The following PRKCH variants were observed in gnomAD, a reference collection of about 807,000 sequenced individuals.
The protein encoded by PRKCH is protein kinase C eta type.
Under a neutral mutation model 82.5 loss-of-function variants are expected in PRKCH, and 28 were observed. The ratio of observed to expected loss-of-function variants is 0.34; its 90% confidence interval spans 0.25 to 0.47. The LOEUF is 0.47. Ranked by LOEUF, PRKCH falls within the 20% of genes least tolerant of loss-of-function variation. PRKCH has a pLI of 1.00. For missense variants in PRKCH, 705 were observed against 881.8 expected (o/e 0.80, Z 2.54); for synonymous variants, 322 against 327.4 (o/e 0.98, Z 0.18).
chr14:61,519,644 G>C (rs2042877408), intron 10 of PRKCH, among the ~76,000 whole-genome samples: 1 of 151,344 alleles, frequency 6.6e-6, no homozygotes, highest in Non-Finnish European at 1.5e-5. Flanking sequence ...GTGGTCTTCA[G>C]CAAGATATTC....
At chr14:61,497,862 C>G (rs571511248) in intron 10 of PRKCH, among the ~76,000 whole-genome samples, 1 of 152,150 alleles carries the variant, frequency 6.6e-6, no homozygotes, top group Admixed American at 6.5e-5. Context: ...GTTTTACTCT[C>G]TGTAGAGAAA....
At chr14:61,504,713 C>T (rs1163580288) in intron 10 of PRKCH, among the ~76,000 whole-genome samples, 1 of 152,164 alleles carries the variant, frequency 6.6e-6, no homozygotes, top group Non-Finnish European at 1.5e-5. Flanking sequence ...GCATTAAGAA[C>T]AGATTTATTT....
intron 1 of PRKCH, among the ~76,000 whole-genome samples, chr14:61,254,264 C>T (rs1462431322): frequency 2.0e-5 from 3 of 151,974 alleles, no homozygotes; most frequent in Non-Finnish European, 2.9e-5. Context: ...CAAGCTTTTA[C>T]CTGAAATATT....
At chr14:61,512,410 T>C (rs1282684492) in intron 10 of PRKCH, among the ~76,000 whole-genome samples, 1 of 151,926 alleles carries the variant, frequency 6.6e-6, no homozygotes, top group African/African-American at 2.4e-5. Flanking sequence ...CTGGAAAAAA[T>C]GCAGAGGGAA....
intron 1 of PRKCH, chr14:61,353,552 A>G (rs1239795242): frequency 6.6e-6 from 1 of 152,222 alleles, no homozygotes; most frequent in East Asian, 1.9e-4. Flanking sequence ...GTGGATAAAA[A>G]TAAGGCCCTT....
chr14:61,488,640 G>C (rs529658358), intron 10 of PRKCH, among the ~76,000 whole-genome samples: 1 of 152,208 alleles, frequency 6.6e-6, no homozygotes, highest in Non-Finnish European at 1.5e-5. Flanking sequence ...AAATAAGGTA[G>C]AGTGGGCAAA....
chr14:61,426,241 T>A (rs368501661), intron 2 of PRKCH, among the ~76,000 whole-genome samples: 1 of 152,204 alleles, frequency 6.6e-6, no homozygotes, highest in African/African-American at 2.4e-5. Context: ...TAGAGGAACA[T>A]TTACATGTCG....
intron 9 of PRKCH, among the ~76,000 whole-genome samples, chr14:61,461,060 G>A (rs112925970): frequency 1.3e-5 from 2 of 152,132 alleles, no homozygotes; most frequent in Non-Finnish European, 2.9e-5. Flanking sequence ...TAATGGCTTC[G>A]TGGGCCTCGG....
At chr14:61,526,816 G>A (rs2042971522) in intron 10 of PRKCH, among the ~76,000 whole-genome samples, 1 of 152,246 alleles carries the variant, frequency 6.6e-6, no homozygotes, top group South Asian at 2.1e-4. Flanking sequence ...CAAGGCCATG[G>A]CAGCCTCCCA....
At chr14:61,500,381 A>G (rs1440626346) in intron 10 of PRKCH, among the ~76,000 whole-genome samples, 1 of 151,680 alleles carries the variant, frequency 6.6e-6, no homozygotes, top group Non-Finnish European at 1.5e-5. Flanking sequence ...TAATATTTTT[A>G]GAGATGGGGT....
chr14:61,421,510 C>T (rs935606547), intron 2 of PRKCH, among the ~76,000 whole-genome samples: 1 of 152,030 alleles, frequency 6.6e-6, no homozygotes, highest in African/African-American at 2.4e-5. Context: ...CTTTTCAGTG[C>T]CTTGCTATGA....
At chr14:61,446,421 A>G (rs1000560891) in intron 4 of PRKCH, among the ~76,000 whole-genome samples, 2 of 152,242 alleles carry the variant, frequency 1.3e-5, no homozygotes, top group Non-Finnish European at 2.9e-5. Context: ...ATCATCACAT[A>G]GTTTATACAC....
Position 61,547,817 on chromosome 14 carries a change from T to C in PRKCH, c.1836T>C (p.Pro612=), listed in dbSNP as rs1476895904. 11 of 1,613,670 alleles carry C rather than the reference T, an allele frequency of 6.8e-6. No homozygotes were observed. The highest frequency in any genetic ancestry group is 1.3e-5 in the African/African-American group (1 of 74,918). The change falls in exon 13 of 14, where the codon CCT becomes CCC. Residue 612 remains proline, a synonymous_variant. Transcript: ENST00000332981. ...GCGAGCACGCCATCTTGAGACATCCTTTTTTTAAGGAAATCGACTGGGCCC... is the reference window on the plus strand; with the variant it reads ...GCGAGCACGCCATCTTGAGACATCCCTTTTTTAAGGAAATCGACTGGGCCC... ...QGGEHAILRH[P]FFKEIDWAQL...
chr14:61,345,872 CTCTT>C (rs2045985635), intron 1 of PRKCH, among the ~76,000 whole-genome samples: 1 of 144,062 alleles, frequency 6.9e-6, no homozygotes, highest in Non-Finnish European at 1.5e-5. Flanking sequence ...GACCCTGTCT[CTCTT>C]TTTTTTTTTT....
intron 10 of PRKCH, among the ~76,000 whole-genome samples, chr14:61,486,641 CT>C (rs989245651): frequency 6.6e-6 from 1 of 151,052 alleles, no homozygotes; most frequent in African/African-American, 2.4e-5. Flanking sequence ...CACATATGCT[CT>C]TTTTTCTTTT....
At chr14:61,203,781 CA>C (rs1484485433) in intron 1 of PRKCH, among the ~76,000 whole-genome samples, 8 of 152,078 alleles carry the variant, frequency 5.3e-5, no homozygotes, top group Admixed American at 5.2e-4. Flanking sequence ...GTTGAGGCTG[CA>C]GTAAACCATG....
intron 9 of PRKCH, among the ~76,000 whole-genome samples, chr14:61,484,211 C>A (rs536182324): frequency 6.6e-6 from 1 of 151,820 alleles, no homozygotes; most frequent in African/African-American, 2.4e-5. Flanking sequence ...CGCCTGACCC[C>A]CAGGCAGGTG....
intron 1 of PRKCH, among the ~76,000 whole-genome samples, chr14:61,210,923 G>A (rs559369560): frequency 2.0e-5 from 3 of 152,252 alleles, no homozygotes; most frequent in East Asian, 3.9e-4. Context: ...ATGCAATTGT[G>A]GGAGTGAGAG....
rs542628292 is a variant in PRKCH, at chr14:61,491,254, G to A, written c.1433+5598G>A. Among the ~76,000 whole-genome samples, 4 of 152,312 alleles carry A rather than the reference G, an allele frequency of 2.6e-5. No individual in the cohort carries two copies. In the East Asian group the frequency reaches 7.7e-4, roughly 29 times the overall value. Reference sequence around the variant, plus strand: ...ATAAAGATGAAAGTAAAATTTAACAGCTCTCTTTTCCCTTTGTCATCTGCT... The same window carrying A: ...ATAAAGATGAAAGTAAAATTTAACAACTCTCTTTTCCCTTTGTCATCTGCT... On this transcript the variant is annotated intron_variant, in intron 10 of 13. Transcript: ENST00000332981.
Sources: allele counts gnomAD v4.1 joint callset (sites outside exome capture counted in the v4.1 genomes callset), GRCh38; gene constraint gnomAD v4.1.1; transcripts MANE v1.5; gene names NCBI Gene and HGNC (gene_info 2026-07-23, HGNC 2026-07-21).